ZEB1: variants seen among roughly 807,000 people sequenced by gnomAD.
ZEB1 encodes zinc finger E-box-binding homeobox 1.
ZEB1 carries 21 observed loss-of-function variants against 84.9 expected under a neutral mutation model. The ratio of observed to expected loss-of-function variants is 0.25; its 90% CI spans 0.18 to 0.36. ZEB1 has a LOEUF of 0.36. ZEB1 is among the 10% of genes least tolerant of loss of function. ZEB1 has a pLI of 1.00. For synonymous variants in ZEB1, 420 were observed against 471.1 expected (o/e 0.89, Z 1.41); for missense variants, 1,104 against 1,330.2 (o/e 0.83, Z 2.65).
At chr10:31,393,907 T>A (rs1380872029) in intron 1 of ZEB1, among the ~76,000 whole-genome samples, 1 of 152,192 alleles carries the variant, frequency 6.6e-6, no homozygotes, top group Non-Finnish European at 1.5e-5. Context: ...CTGGAGTACT[T>A]AGACTTTGAA....
intron 1 of ZEB1, among the ~76,000 whole-genome samples, chr10:31,409,058 A>C (rs905191819): frequency 1.3e-5 from 2 of 152,216 alleles, no homozygotes; most frequent in Non-Finnish European, 2.9e-5. Context: ...AGAAAAAAAC[A>C]TACAACCCCA....
chr10:31,511,443 C>G (rs905972896), intron 5 of ZEB1, among the ~76,000 whole-genome samples: 7 of 151,946 alleles, frequency 4.6e-5, no homozygotes, highest in Non-Finnish European at 1.0e-4. Context: ...TGTCACTGTG[C>G]CCCAGTTTTC....
intron 1 of ZEB1, among the ~76,000 whole-genome samples, chr10:31,330,185 A>C (rs1242512282): frequency 6.6e-6 from 1 of 152,196 alleles, no homozygotes; most frequent in Non-Finnish European, 1.5e-5. Context: ...AATCCATTTC[A>C]GGTTAATGTT....
At chr10:31,406,977 C>G (rs2053195356) in intron 1 of ZEB1, among the ~76,000 whole-genome samples, 1 of 151,994 alleles carries the variant, frequency 6.6e-6, no homozygotes, top group Admixed American at 6.5e-5. Flanking sequence ...TGTTTTTTGT[C>G]AGGTTTGTCA....
At chr10:31,350,353 G>T (rs1448135830) in intron 1 of ZEB1, among the ~76,000 whole-genome samples, 1 of 152,128 alleles carries the variant, frequency 6.6e-6, no homozygotes, top group African/African-American at 2.4e-5. Context: ...GATTGGACCT[G>T]ATTATTTCTC....
At chr10:31,344,642 C>A (rs1564529697) in intron 1 of ZEB1, among the ~76,000 whole-genome samples, 1 of 152,078 alleles carries the variant, frequency 6.6e-6, no homozygotes, top group Non-Finnish European at 1.5e-5. Context: ...GACAAAAGAA[C>A]TAGTTACCTT....
At chr10:31,441,254 A>C (rs555999769) in intron 1 of ZEB1, among the ~76,000 whole-genome samples, 1 of 152,326 alleles carries the variant, frequency 6.6e-6, no homozygotes, top group East Asian at 1.9e-4. Flanking sequence ...ATAATGCCAC[A>C]CATCTACAAC....
intron 1 of ZEB1, among the ~76,000 whole-genome samples, chr10:31,395,882 A>G (rs2135367059): frequency 6.6e-6 from 1 of 152,320 alleles, no homozygotes; most frequent in South Asian, 2.1e-4. Context: ...ATTCAGTGCT[A>G]TATTTAGACC....
chr10:31,402,378 G>GA lies in ZEB1; in HGVS notation c.59-58649dup, dbSNP rs374648116. ...GAGTGGCTAAAGAATAGCGATCCTA[G>GA]AAAAAAAAAATTGATGATCAGGAAG... On this transcript the variant is annotated intron_variant, in intron 1 of 8. Coordinates refer to ENST00000424869, the MANE Select transcript of ZEB1 (RefSeq NM_001174096.2). Among the ~76,000 whole-genome samples the GA allele has an allele frequency of 4.4e-3, 659 of 149,940 alleles. 5 individuals are homozygous for GA. The highest frequency in any genetic ancestry group is 9.9e-3 in the South Asian group (47 of 4,736).
At chr10:31,436,559 A>G (rs919428328) in intron 1 of ZEB1, among the ~76,000 whole-genome samples, 7 of 152,156 alleles carry the variant, frequency 4.6e-5, no homozygotes, top group African/African-American at 1.7e-4. Flanking sequence ...AAGTTATGTA[A>G]TCTAAGTCTT....
intron 1 of ZEB1, among the ~76,000 whole-genome samples, chr10:31,328,994 GGTGTGTGT>G (rs369444605): frequency 2.0e-5 from 3 of 149,446 alleles, no homozygotes; most frequent in Non-Finnish European, 3.0e-5. Context: ...ACCATACCCT[GGTGTGTGT>G]GTGTGTGTGT....
At chr10:31,319,530 C>G in intron 1 of ZEB1, 1 of 535,066 alleles carries the variant, frequency 1.9e-6, no homozygotes, top group South Asian at 2.4e-5. Context: ...CTCTCTCCGC[C>G]TAGCGGCTCC....
At chr10:31,343,651 A>G (rs2039787302) in intron 1 of ZEB1, among the ~76,000 whole-genome samples, 1 of 152,054 alleles carries the variant, frequency 6.6e-6, no homozygotes, top group Non-Finnish European at 1.5e-5. Context: ...ATGTTATAAA[A>G]TGTGTTTGTA....
chr10:31,468,769 G>A (rs746317500), intron 2 of ZEB1, among the ~76,000 whole-genome samples: 6 of 152,204 alleles, frequency 3.9e-5, no homozygotes, highest in Non-Finnish European at 7.4e-5. Flanking sequence ...AAGGGGCAAC[G>A]AAAAATAATC....
intron 3 of ZEB1, among the ~76,000 whole-genome samples, chr10:31,499,746 CAA>C (rs1398108446): frequency 6.6e-6 from 1 of 150,476 alleles, no homozygotes; most frequent in Non-Finnish European, 1.5e-5. Context: ...ACCTGGGCGA[CAA>C]GAGCGAAACT....
chr10:31,434,551 A>C (rs957510037), intron 1 of ZEB1, among the ~76,000 whole-genome samples: 3 of 152,202 alleles, frequency 2.0e-5, no homozygotes, highest in African/African-American at 4.8e-5. Flanking sequence ...AGGAAGCCAT[A>C]AAAACAATTA....
At chr10:31,425,541 AC>A (rs1196087424) in intron 1 of ZEB1, among the ~76,000 whole-genome samples, 2 of 152,076 alleles carry the variant, frequency 1.3e-5, no homozygotes, top group Non-Finnish European at 2.9e-5. Flanking sequence ...TCTACAATAA[AC>A]CTGAGAAATT....
rs746893615 is a variant in ZEB1, at chr10:31,520,385, T to C, written c.1053T>C (p.Pro351=). Reference sequence around the variant, plus strand: ...CTGTTAACCAAATTAAAACTGAACCTGTGGATTATGAATTCAAACCCATAG... The same window carrying C: ...CTGTTAACCAAATTAAAACTGAACCCGTGGATTATGAATTCAAACCCATAG... ...QLSVNQIKTE[P]VDYEFKPIVV... is the part of the protein sequence containing the mutation. The change falls in exon 7 of 9, where the codon CCT becomes CCC. Residue 351 remains proline, a synonymous_variant. Coordinates refer to ENST00000424869, the MANE Select transcript of ZEB1 (RefSeq NM_001174096.2). This position sits in a 1 kb window ranked among gnomAD's most constrained non-coding sequence, Gnocchi z 5.1. 3.7e-5 allele frequency: 59 copies of C among 1,613,834 alleles called. No individual in the cohort carries two copies. The highest frequency in any genetic ancestry group is 4.6e-5 in the Non-Finnish European group (54 of 1,179,946).
At chr10:31,517,270 A>C (rs892344322) in intron 6 of ZEB1, among the ~76,000 whole-genome samples, 3 of 152,016 alleles carry the variant, frequency 2.0e-5, no homozygotes, top group Admixed American at 2.0e-4. Context: ...TACCCAAAAA[A>C]TTTTGATCAT....
Sources: allele counts gnomAD v4.1 joint callset (sites outside exome capture counted in the v4.1 genomes callset), GRCh38; gene constraint gnomAD v4.1.1; non-coding constraint Gnocchi (gnomAD v3.1); transcripts MANE v1.5; gene names NCBI Gene and HGNC (gene_info 2026-07-23, HGNC 2026-07-21).